Variants in CILK1 observed in about 807,000 individuals in gnomAD.
CILK1 encodes serine/threonine-protein kinase ICK.
CILK1 carries 47 observed loss-of-function variants against 79.2 expected under a neutral mutation model. That is an observed-to-expected ratio of 0.59 (90% confidence interval 0.47 to 0.76). The LOEUF (loss-of-function observed/expected upper bound fraction) is 0.76, where lower values mean the gene tolerates loss of function less well. Ranked by LOEUF, CILK1 falls within the 30% of genes least tolerant of loss-of-function variation. The pLI, the probability that CILK1 is intolerant of heterozygous loss-of-function variation, is 0.00. For missense variants in CILK1, 660 were observed against 769.5 expected (o/e 0.86, Z 1.68); for synonymous variants, 266 against 275.9 (o/e 0.96, Z 0.36).
chr6:53,018,531 T>C (rs1219865082), intron 6 of CILK1, 30 bp from the exon 7 acceptor site: 2 of 1,602,590 alleles, frequency 1.2e-6, no homozygotes, highest in Non-Finnish European at 1.7e-6. Flanking sequence ...CTGCTAGCTA[T>C]TGCTTCCACC....
At chr6:53,007,602 G>A (rs1764302540) in intron 12 of CILK1, among the ~76,000 whole-genome samples, 1 of 152,106 alleles carries the variant, frequency 6.6e-6, no homozygotes, top group African/African-American at 2.4e-5. Flanking sequence ...GGCAATATCT[G>A]TGAAGTTGAA....
chr6:53,019,286 A>C lies in CILK1; in HGVS notation c.432T>G (p.Phe144Leu), dbSNP rs1482486960. The C allele has an allele frequency of 6.2e-7, 1 of 1,614,106 alleles. No individual in the cohort carries two copies. Among genetic ancestry groups the C allele is most frequent in the African/African-American group, 1.3e-5 (1 of 75,058 alleles). ...MGPELVKIAD[F>L]GLAREIRSKP... Reference sequence around the variant, plus strand: ...TTGATCGTATTTCTCGGGCCAAACCAAAGTCTGCAATTTTCACAAGTTCTG... The same window carrying C: ...TTGATCGTATTTCTCGGGCCAAACCCAAGTCTGCAATTTTCACAAGTTCTG... Residue 144 changes from phenylalanine to leucine, a missense_variant, in exon 6 of 14, where the codon TTT (phenylalanine) becomes TTG (leucine). Coordinates refer to ENST00000676107, the MANE Select transcript of CILK1 (RefSeq NM_014920.5).
chr6:53,018,599 ATT>A, intron 6 of CILK1, 98 bp from the exon 7 acceptor site: 1 of 1,203,358 alleles, frequency 8.3e-7, no homozygotes, highest in East Asian at 2.5e-5. Flanking sequence ...ATATGTTCCT[ATT>A]TTCTCTCTAG....
At chr6:53,027,451 G>A (rs902899320) in intron 5 of CILK1, among the ~76,000 whole-genome samples, 1 of 152,174 alleles carries the variant, frequency 6.6e-6, no homozygotes. Context: ...ATAGTGACAC[G>A]AAGTATGGCC....
chr6:53,006,488 C>T, intron 12 of CILK1, 51 bp from the exon 13 acceptor site: 1 of 1,603,136 alleles, frequency 6.2e-7, no homozygotes, highest in Non-Finnish European at 8.5e-7. Flanking sequence ...GTACCCAGGA[C>T]ACCAACAAGG....
chr6:53,021,332 C>T (rs1231858374), intron 5 of CILK1, among the ~76,000 whole-genome samples: 9 of 108,972 alleles, frequency 8.3e-5, no homozygotes, highest in Middle Eastern at 4.0e-3. Context: ...TTTGGAGCGG[C>T]GCGGGGGGGT....
At position 53,034,978 on chromosome 6, in the gene CILK1, C is replaced by T. The variant is rs1493104; in HGVS notation, c.157-2324G>A. Among the ~76,000 whole-genome samples the T allele has an allele frequency of 1.8e-3, 268 of 152,070 alleles. 4 individuals carry two copies. In the East Asian group the frequency reaches 0.022, roughly 12 times the overall value. On this transcript the variant is annotated intron_variant, in intron 3 of 13. Transcript: ENST00000676107. ...AGTGGAGGACTCTGTGTCTGGGGGACGAAGGATGAGAATCAACCTAGTTTG... is the reference window on the plus strand; with the variant it reads ...AGTGGAGGACTCTGTGTCTGGGGGATGAAGGATGAGAATCAACCTAGTTTG...
intron 1 of CILK1, among the ~76,000 whole-genome samples, chr6:53,047,649 CAG>C (rs1450414075): frequency 4.0e-5 from 6 of 151,838 alleles, no homozygotes; most frequent in Non-Finnish European, 8.8e-5. Context: ...GGGAGTTCCT[CAG>C]AGTTTTTAAA....
intron 5 of CILK1, among the ~76,000 whole-genome samples, chr6:53,025,785 T>C (rs373717498): frequency 6.6e-6 from 1 of 152,190 alleles, no homozygotes; most frequent in East Asian, 1.9e-4. Context: ...TGTGAATATA[T>C]CTGTAGACTA....
chr6:53,048,420 C>T (rs1767251401), intron 1 of CILK1, among the ~76,000 whole-genome samples: 3 of 152,080 alleles, frequency 2.0e-5, no homozygotes, highest in African/African-American at 7.2e-5. Context: ...GAATTATTTC[C>T]CATACTGAAA....
At chr6:53,031,461 C>T (rs953924182) in intron 4 of CILK1, among the ~76,000 whole-genome samples, 3 of 152,108 alleles carry the variant, frequency 2.0e-5, no homozygotes, top group African/African-American at 7.2e-5. Context: ...TTCCTCCTGG[C>T]TGGGCAAAAC....
intron 1 of CILK1, among the ~76,000 whole-genome samples, chr6:53,046,675 T>C (rs144744409): frequency 5.9e-5 from 9 of 152,366 alleles, no homozygotes; most frequent in South Asian, 4.1e-4. Context: ...TCTTCAAGCA[T>C]TGATGGCACA....
chr6:53,021,124 C>T (rs1765209620), intron 5 of CILK1, among the ~76,000 whole-genome samples: 1 of 152,176 alleles, frequency 6.6e-6, no homozygotes, highest in Admixed American at 6.5e-5. Flanking sequence ...GAGTTCGAGA[C>T]CAGCCTGGCC....
chr6:53,047,244 A>C (rs1581756767), intron 1 of CILK1, among the ~76,000 whole-genome samples: 1 of 152,128 alleles, frequency 6.6e-6, no homozygotes, highest in African/African-American at 2.4e-5. Context: ...AAATAGCTAG[A>C]AAGTTAGGGT....
chr6:53,056,495 G>A lies in CILK1; in HGVS notation c.-173+5101C>T, dbSNP rs192175212. ...ATTTATTTACAAAAACAGGCAGCAG[G>A]AAGGACTGGCACACAAGCCATAGTT... On this transcript the variant is annotated intron_variant, in intron 1 of 13. Transcript: ENST00000676107. 3.0e-4 allele frequency among the ~76,000 whole-genome samples: 45 copies of A among 152,310 alleles called. No individual in the cohort carries two copies. In the East Asian group the frequency reaches 8.7e-3, roughly 29 times the overall value.
At chr6:53,025,613 T>C (rs1324833105) in intron 5 of CILK1, among the ~76,000 whole-genome samples, 2 of 152,212 alleles carry the variant, frequency 1.3e-5, no homozygotes, top group Non-Finnish European at 2.9e-5. Context: ...CTTCTCTTTT[T>C]ATGGGCCCTA....
intron 5 of CILK1, among the ~76,000 whole-genome samples, chr6:53,026,262 T>G (rs1422117039): frequency 6.6e-6 from 1 of 152,142 alleles, no homozygotes; most frequent in Non-Finnish European, 1.5e-5. Context: ...CCTCCTGGGT[T>G]CAAGCTATTC....
chr6:53,042,844 A>T (rs921884040), intron 1 of CILK1, among the ~76,000 whole-genome samples: 1 of 152,192 alleles, frequency 6.6e-6, no homozygotes, highest in Non-Finnish European at 1.5e-5. Context: ...AAAAGTTGGT[A>T]AAATCTAAGT....
chr6:53,051,400 G>A (rs923353745), intron 1 of CILK1, among the ~76,000 whole-genome samples: 1 of 152,206 alleles, frequency 6.6e-6, no homozygotes, highest in African/African-American at 2.4e-5. Flanking sequence ...TCAGAAGTCT[G>A]AAACCAGTAT....
Sources: gnomAD v4.1 joint callset for allele counts (sites outside exome capture counted in the v4.1 genomes callset) on GRCh38, gnomAD v4.1.1 for gene constraint, MANE v1.5 for transcripts, NCBI Gene and HGNC (gene_info 2026-07-23, HGNC 2026-07-21) for gene names.